Variants in ENPP6 observed in about 807,000 individuals in gnomAD.
ENPP6 encodes ectonucleotide pyrophosphatase/phosphodiesterase 6.
ENPP6 carries 32 observed loss-of-function variants against 42.0 expected under a neutral mutation model. The ratio of observed to expected loss-of-function variants is 0.76; its 90% CI spans 0.58 to 1.02. The LOEUF is 1.02. Ranked by LOEUF, ENPP6 falls within the 50% of genes least tolerant of loss-of-function variation. The pLI is 0.00. For missense variants in ENPP6, 552 were observed against 566.8 expected (o/e 0.97, Z 0.27); for synonymous variants, 213 against 216.0 (o/e 0.99, Z 0.12).
intron 7 of ENPP6, 99 bp downstream of exon 7, chr4:184,097,146 T>A: frequency 6.5e-7 from 1 of 1,543,666 alleles, no homozygotes; most frequent in Non-Finnish European, 8.8e-7. Flanking sequence ...AGAGGGTCTG[T>A]AAGGAAATCC....
At chr4:184,114,307 G>A (rs534709924) in intron 5 of ENPP6, among the ~76,000 whole-genome samples, 1 of 152,116 alleles carries the variant, frequency 6.6e-6, no homozygotes, top group African/African-American at 2.4e-5. Flanking sequence ...AAATATCTAT[G>A]GCTAAAATTA....
rs536202296 is a variant in ENPP6, at chr4:184,206,358, C to G, written c.241+11221G>C. On this transcript the variant is annotated intron_variant, in intron 1 of 7. Transcript: ENST00000296741. ...CTGCAAGCTCCGCCTCCCGGGTTCC[C>G]GCCATTCTCCTGCCTCAGCCTCCCG... Among the ~76,000 whole-genome samples, 2 of 114,522 alleles carry G rather than the reference C, an allele frequency of 1.7e-5. 1 individual carries two copies. The highest frequency in any genetic ancestry group is 3.6e-5 in the Non-Finnish European group (2 of 56,180). 75.1% of individuals were successfully genotyped at this position (114,522 alleles called of 152,430 possible). A position where few individuals can be genotyped will look rare whatever the true frequency, so the allele number is the denominator to read the frequency against.
Position 184,217,608 on chromosome 4 carries a change from G to C in ENPP6, c.212C>G (p.Ser71Trp), listed in dbSNP as rs369491866. 9 of 1,614,232 alleles carry C rather than the reference G, an allele frequency of 5.6e-6. No homozygotes were observed. The South Asian group carries it at 7.7e-5, about 14-fold the overall frequency. ...DYLTPDFPSL[S>W]YPNYYTLMTG... ...CATTAGGGTATAATAATTGGGATAC[G>C]AGAGACTAGGGAAGTCTGGAGTCAA... is the stretch of plus-strand genomic sequence containing the variant. Residue 71 changes from serine to tryptophan, a missense_variant, in exon 1 of 8, where the codon TCG (serine) becomes TGG (tryptophan). Transcript: ENST00000296741.
At chr4:184,104,250 T>C (rs1185740289) in intron 6 of ENPP6, among the ~76,000 whole-genome samples, 1 of 152,216 alleles carries the variant, frequency 6.6e-6, no homozygotes, top group Admixed American at 6.5e-5. Context: ...ATATTTTGAG[T>C]CCAGGCCTCA....
chr4:184,168,789 C>T (rs552648860), intron 1 of ENPP6, among the ~76,000 whole-genome samples: 2 of 152,298 alleles, frequency 1.3e-5, no homozygotes, highest in South Asian at 4.1e-4. Context: ...AGAGCCCGGG[C>T]AGGGCCGGCG....
intron 1 of ENPP6, among the ~76,000 whole-genome samples, chr4:184,209,017 C>T (rs1485954252): frequency 6.9e-6 from 1 of 143,974 alleles, no homozygotes; most frequent in Non-Finnish European, 1.5e-5. Flanking sequence ...AGACCTGCAG[C>T]TGAGGGTCCT....
At chr4:184,157,423 T>TCTTTCTC (rs1206364106) in intron 1 of ENPP6, among the ~76,000 whole-genome samples, 1 of 61,634 alleles carries the variant, frequency 1.6e-5, no homozygotes, top group African/African-American at 7.2e-5. Flanking sequence ...CTTTCTTTCT[T>TCTTTCTC]TCTTTCCTTT....
intron 1 of ENPP6, among the ~76,000 whole-genome samples, chr4:184,165,280 T>C (rs946320871): frequency 6.6e-6 from 1 of 152,206 alleles, no homozygotes; most frequent in Non-Finnish European, 1.5e-5. Context: ...TCCACATAAC[T>C]CTAGGAGATG....
intron 6 of ENPP6, among the ~76,000 whole-genome samples, chr4:184,110,703 A>C (rs548058428): frequency 6.6e-6 from 1 of 152,224 alleles, no homozygotes; most frequent in Non-Finnish European, 1.5e-5. Context: ...AGAGCATTGC[A>C]GAAGAGCTTG....
At chr4:184,097,957 C>T (rs1227195580) in intron 6 of ENPP6, among the ~76,000 whole-genome samples, 3 of 152,158 alleles carry the variant, frequency 2.0e-5, no homozygotes, top group Non-Finnish European at 1.5e-5. Context: ...TCCTCACTCA[C>T]GTCTGCGCGA....
At chr4:184,099,274 G>A (rs1442205540) in intron 6 of ENPP6, among the ~76,000 whole-genome samples, 1 of 152,212 alleles carries the variant, frequency 6.6e-6, no homozygotes, top group East Asian at 1.9e-4. Context: ...CCTCACTCAC[G>A]GAGTGTGGCC....
At chr4:184,124,612 T>C (rs1248924124) in intron 2 of ENPP6, among the ~76,000 whole-genome samples, 5 of 152,212 alleles carry the variant, frequency 3.3e-5, no homozygotes, top group African/African-American at 4.8e-5. Context: ...AGATTTTTCA[T>C]GAATCTAAGT....
intron 3 of ENPP6, among the ~76,000 whole-genome samples, chr4:184,118,694 A>G (rs1450474006): frequency 6.6e-6 from 1 of 152,208 alleles, no homozygotes; most frequent in Non-Finnish European, 1.5e-5. Flanking sequence ...TAGCTGACAC[A>G]TGCTTGCTTG....
chr4:184,153,833 G>A, intron 1 of ENPP6, 100 bp from the exon 2 acceptor site: 1 of 1,306,950 alleles, frequency 7.7e-7, no homozygotes, highest in Non-Finnish European at 1.0e-6. Context: ...CGTTTAGGAA[G>A]TACAGAACAG....
chr4:184,152,928 T>TTG (rs985010824), intron 2 of ENPP6, among the ~76,000 whole-genome samples: 2 of 31,622 alleles, frequency 6.3e-5, no homozygotes, highest in Admixed American at 3.5e-4. Flanking sequence ...TGGTACACTG[T>TTG]TTTTTTTTTT....
chr4:184,164,059 C>T (rs1052192487), intron 1 of ENPP6, among the ~76,000 whole-genome samples: 2 of 152,150 alleles, frequency 1.3e-5, no homozygotes, highest in African/African-American at 2.4e-5. Context: ...GGGCTGTGGG[C>T]GTCCTGTTCG....
At chr4:184,132,750 T>G (rs1190941820) in intron 2 of ENPP6, among the ~76,000 whole-genome samples, 1 of 151,434 alleles carries the variant, frequency 6.6e-6, no homozygotes, top group Non-Finnish European at 1.5e-5. Flanking sequence ...TATTAGATAG[T>G]CAGAAGATGT....
At position 184,112,784 on chromosome 4, in the gene ENPP6, T is replaced by C; in HGVS notation, c.881A>G (p.Glu294Gly). The C allele has an allele frequency of 6.2e-7, 1 of 1,613,998 alleles. No individual in the cohort carries two copies. The highest frequency in any genetic ancestry group is 8.5e-7 in the Non-Finnish European group (1 of 1,179,996). Residue 294 changes from glutamate to glycine, a missense_variant, in exon 6 of 8, where the codon GAA becomes GGA. Around this residue, in one of 2 missense-constraint regions of ENPP6, gnomAD observed 545 missense variants for 546.3 expected, o/e 1.00. Coordinates refer to ENST00000296741, the MANE Select transcript of ENPP6 (RefSeq NM_153343.4). Reference protein sequence around the residue: ...SEIYNKLSTVEHMTVYEKEAI... With the variant: ...SEIYNKLSTVGHMTVYEKEAI... Reference sequence around the variant, plus strand: ...TTCTTTCTCGTAGACAGTCATGTGTTCCACTGTGCTCAGTTTGTTATATAT... The same window carrying C: ...TTCTTTCTCGTAGACAGTCATGTGTCCCACTGTGCTCAGTTTGTTATATAT...
At chr4:184,163,198 C>G (rs1737294572) in intron 1 of ENPP6, among the ~76,000 whole-genome samples, 1 of 152,200 alleles carries the variant, frequency 6.6e-6, no homozygotes, top group Non-Finnish European at 1.5e-5. Flanking sequence ...GTCCCCTGAA[C>G]AAGTACTTGT....
Sources: allele counts gnomAD v4.1 joint callset (sites outside exome capture counted in the v4.1 genomes callset), GRCh38; gene constraint gnomAD v4.1.1; regional missense constraint gnomAD v4.1.1; transcripts MANE v1.5; gene names NCBI Gene and HGNC (gene_info 2026-07-23, HGNC 2026-07-21).